The following MYO5C variants were observed in gnomAD, a reference collection of about 807,000 sequenced individuals.
MYO5C encodes the protein myosin VC.
In MYO5C, 194 loss-of-function variants were observed where a neutral mutation model predicts 235.7. The ratio of observed to expected loss-of-function variants is 0.82; its 90% CI spans 0.73 to 0.93. MYO5C has a LOEUF of 0.93. Among genes scored for constraint, MYO5C ranks in the 40% least tolerant of loss-of-function variants. The pLI is 0.00. For synonymous variants in MYO5C, 707 were observed against 754.8 expected, an observed-to-expected ratio of 0.94 and a Z score of 1.04; for missense variants, 2,038 against 2,127.2, an observed-to-expected ratio of 0.96 and a Z score of 0.82.
intron 30 of MYO5C, among the ~76,000 whole-genome samples, chr15:52,220,239 CATA>C (rs1367945198): frequency 6.6e-6 from 1 of 152,218 alleles, no homozygotes; most frequent in East Asian, 1.9e-4. Context: ...AAATATTCCA[CATA>C]AAAATCTGGA....
chr15:52,269,694 ATT>A (rs753094135), intron 8 of MYO5C, 57 bp downstream of exon 8: 3,482 of 999,316 alleles, frequency 3.5e-3, no homozygotes, highest in Non-Finnish European at 3.9e-3. Context: ...CCTGGCCTTA[ATT>A]TTTTTTTTTT....
chr15:52,251,232 G>T lies in MYO5C; in HGVS notation c.1662+158C>A, dbSNP rs115063923. 1,133 of 566,474 alleles carry T rather than the reference G, an allele frequency of 2.0e-3. 11 individuals carry two copies. The African/African-American group carries it at 0.02, about 10-fold the overall frequency. 35.1% of individuals were successfully genotyped at this position (566,474 alleles called of 1,614,324 possible). On this transcript the variant is annotated intron_variant, in intron 13 of 40. Coordinates refer to ENST00000261839, the MANE Select transcript of MYO5C (RefSeq NM_018728.4). Reference sequence around the variant, plus strand: ...AGTACAGTTGGAACTCATGTATCTCGCCACAAAAACAAATAAGGAACTGTT... The same window carrying T: ...AGTACAGTTGGAACTCATGTATCTCTCCACAAAAACAAATAAGGAACTGTT...
rs200811851 is a variant in MYO5C at position 52,245,944 on chromosome 15, C to T, written c.2066+12G>A. On this transcript the variant is annotated intron_variant, in intron 17 of 40. Transcript: ENST00000261839. ...GGTACTTTTCCCTCCAAGACAAGGA[C>T]GGACAACATACCTGGAAGGGTAGCT... is the stretch of plus-strand genomic sequence containing the variant. 344 of 1,611,532 alleles carry T rather than the reference C, an allele frequency of 2.1e-4. No individual in the cohort carries two copies. The African/African-American group carries it at 4.1e-3, about 19-fold the overall frequency.
At chr15:52,287,544 C>A (rs1395280919) in intron 1 of MYO5C, among the ~76,000 whole-genome samples, 2 of 152,082 alleles carry the variant, frequency 1.3e-5, no homozygotes, top group Admixed American at 1.3e-4. Context: ...AGGCAAATAT[C>A]AAAATATATG....
chr15:52,279,472 A>T, intron 3 of MYO5C, 37 bp downstream of exon 3: 1 of 1,590,026 alleles, frequency 6.3e-7, no homozygotes, highest in East Asian at 2.3e-5. Flanking sequence ...CTTACATTCC[A>T]GTGCCATTCC....
At chr15:52,291,187 T>C (rs1224055068) in intron 1 of MYO5C, among the ~76,000 whole-genome samples, 2 of 152,204 alleles carry the variant, frequency 1.3e-5, no homozygotes, top group Admixed American at 6.5e-5. Context: ...ACCGTACTCA[T>C]GGCTGAGCAG....
rs200193628 is a variant in MYO5C, at chr15:52,275,567, T to C, written c.601A>G (p.Thr201Ala). The C allele has an allele frequency of 5.4e-4, 874 of 1,614,022 alleles. No individual in the cohort carries two copies. The highest frequency in any genetic ancestry group is 7.1e-4 in the Non-Finnish European group (841 of 1,180,024). Residue 201 changes from threonine (T) to alanine (A), a missense_variant, in exon 5 of 41, where the codon ACC becomes GCC. Physicochemically the swap from Thr to Ala is moderately conservative, Grantham distance 58. Coordinates refer to ENST00000261839, the MANE Select transcript of MYO5C (RefSeq NM_018728.4). ...EDKVLASNPI[T>A]EAVGNAKTTR... ...CCTTCCGCAGTGGTACGCACCTCGG[T>C]GATGGGATTGGATGCCAGGACCTTG...
At chr15:52,295,321 T>TCCCACAGGGTCTTCCCA (rs1429070152) in intron 1 of MYO5C, among the ~76,000 whole-genome samples, 2 of 152,154 alleles carry the variant, frequency 1.3e-5, no homozygotes, top group Admixed American at 1.3e-4. Context: ...GGGCGGCCCC[T>TCCCACAGGGTCTTCCCA]CCCACAGGGT....
At chr15:52,232,043 G>C (rs1480896957) in intron 24 of MYO5C, among the ~76,000 whole-genome samples, 1 of 151,776 alleles carries the variant, frequency 6.6e-6, no homozygotes, top group African/African-American at 2.4e-5. Flanking sequence ...CTTGGATTTG[G>C]TAGAAGTTGA....
chr15:52,209,687 C>T (rs1227459715), intron 35 of MYO5C, among the ~76,000 whole-genome samples: 4 of 152,166 alleles, frequency 2.6e-5, no homozygotes, highest in Non-Finnish European at 5.9e-5. Flanking sequence ...TGGGCTGGAA[C>T]ACAATGCCAG....
At chr15:52,267,638 A>G (rs2036839128) in intron 8 of MYO5C, among the ~76,000 whole-genome samples, 1 of 152,178 alleles carries the variant, frequency 6.6e-6, no homozygotes, top group Non-Finnish European at 1.5e-5. Context: ...GTGAGCCGAG[A>G]CTGCACCATT....
intron 5 of MYO5C, among the ~76,000 whole-genome samples, chr15:52,275,346 C>T (rs1207783907): frequency 6.6e-6 from 1 of 152,176 alleles, no homozygotes; most frequent in African/African-American, 2.4e-5. Flanking sequence ...TGGTAGATTT[C>T]CAGCCCAGCA....
chr15:52,277,191 C>A, intron 4 of MYO5C: 1 of 529,968 alleles, frequency 1.9e-6, no homozygotes, highest in Non-Finnish European at 3.9e-6. Flanking sequence ...CCCTGAGGGA[C>A]ACTACCTGTC....
chr15:52,194,951 A>T (rs2035013898), intron 40 of MYO5C, among the ~76,000 whole-genome samples: 2 of 152,038 alleles, frequency 1.3e-5, no homozygotes, highest in African/African-American at 2.4e-5. Context: ...TGTCTCAAGG[A>T]CTCCCAGGGA....
chr15:52,236,128 A>G (rs571650479), intron 22 of MYO5C, among the ~76,000 whole-genome samples: 1 of 152,352 alleles, frequency 6.6e-6, no homozygotes, highest in South Asian at 2.1e-4. Context: ...GATGGCGTAA[A>G]GGGGATTCAC....
intron 32 of MYO5C, 126 bp downstream of exon 32, chr15:52,218,393 C>A: frequency 2.0e-6 from 2 of 983,178 alleles, no homozygotes; most frequent in Non-Finnish European, 3.0e-6. Flanking sequence ...GATAAGAAAA[C>A]AGACTGCTCT....
intron 34 of MYO5C, 42 bp downstream of exon 34, chr15:52,213,146 C>T: frequency 6.6e-7 from 1 of 1,520,798 alleles, no homozygotes; most frequent in Non-Finnish European, 9.1e-7. Flanking sequence ...TATGCAAGTT[C>T]TCAAAGAGAA....
At chr15:52,248,562 AC>A in intron 14 of MYO5C, 137 bp downstream of exon 14, 1 of 603,010 alleles carries the variant, frequency 1.7e-6, no homozygotes, top group South Asian at 2.5e-5. Context: ...TCTGTGAGCT[AC>A]AACTTACCAC....
rs1217230084 is a variant in MYO5C at position 52,240,544 on chromosome 15, AAAAGAAAAAGAAGAAAAAAG to A, written c.2557-685_2557-666del. Among the ~76,000 whole-genome samples the A allele has an allele frequency of 4.6e-3, 657 of 142,864 alleles. 14 individuals carry two copies. The highest frequency in any genetic ancestry group is 0.025 in the Admixed American group (357 of 14,438). 93.7% of individuals were successfully genotyped at this position (142,864 alleles called of 152,430 possible). ...AATATAGAGACTCATTCTCTACAAA[AAAAGAAAAAGAAGAAAAAAG>A]AAAAAAAAAAAAGAAAAATTAGCTG... On this transcript the variant is annotated intron_variant, in intron 20 of 40. Transcript: ENST00000261839.
Sources: allele counts gnomAD v4.1 joint callset (sites outside exome capture counted in the v4.1 genomes callset), GRCh38; gene constraint gnomAD v4.1.1; transcripts MANE v1.5; gene names NCBI Gene and HGNC (gene_info 2026-07-23, HGNC 2026-07-21).